CD82: variants seen among roughly 807,000 people sequenced by gnomAD.
The protein encoded by CD82 is CD82 molecule.
CD82 carries 36 observed loss-of-function variants against 37.4 expected under a neutral mutation model. The ratio of observed to expected loss-of-function variants is 0.96; its 90% CI spans 0.74 to 1.27. CD82 has a LOEUF of 1.27. CD82 is among the 50% of genes most tolerant of loss of function. The pLI is 0.00. For synonymous variants in CD82, 158 were observed against 137.4 expected (o/e 1.15, Z -1.05); for missense variants, 340 against 347.0 (o/e 0.98, Z 0.16).
intron 1 of CD82, among the ~76,000 whole-genome samples, chr11:44,581,221 T>C (rs1852974411): frequency 6.6e-6 from 1 of 152,208 alleles, no homozygotes; most frequent in Non-Finnish European, 1.5e-5. Flanking sequence ...GCAGGCAGCA[T>C]GGTGTGACAG....
chr11:44,595,193 T>C (rs756821222), intron 3 of CD82, among the ~76,000 whole-genome samples: 6 of 151,968 alleles, frequency 3.9e-5, no homozygotes, highest in African/African-American at 9.7e-5. Context: ...TGAGCTCTCA[T>C]AGGGAGAGCA....
intron 1 of CD82, among the ~76,000 whole-genome samples, chr11:44,569,339 C>T (rs916612487): frequency 7.2e-5 from 11 of 152,306 alleles, no homozygotes; most frequent in South Asian, 2.1e-4. Context: ...GACTCACCCC[C>T]GGGCTTCCCC....
At chr11:44,615,207 G>A (rs749458182) in intron 6 of CD82, 65 bp from the exon 7 acceptor site, 102 of 1,036,932 alleles carry the variant, frequency 9.8e-5, no homozygotes, top group Non-Finnish European at 1.5e-4. Flanking sequence ...GTTTAAGTAG[G>A]GGTGACCACA....
intron 5 of CD82, 65 bp from the exon 6 acceptor site, chr11:44,605,290 C>T (rs1853376722): frequency 6.2e-7 from 1 of 1,610,504 alleles, no homozygotes; most frequent in Non-Finnish European, 8.5e-7. Flanking sequence ...TCTCTCGGGG[C>T]ACGCAGGCTG....
chr11:44,614,255 A>G (rs1018161499), intron 6 of CD82, among the ~76,000 whole-genome samples: 10 of 151,910 alleles, frequency 6.6e-5, no homozygotes, highest in Admixed American at 5.2e-4. Context: ...CCAGGCATCT[A>G]CCCTGCTGTC....
rs1449425591 is a variant in CD82 at position 44,619,288 on chromosome 11, G to A, written c.*162G>A. ...TTTCTGGGGCCTAGCGATCTCTCCT[G>A]GCCTATCCGCTGCCAGCCTTGAGCC... On this transcript the variant is annotated 3_prime_UTR_variant, in exon 10 of 10. Coordinates refer to ENST00000227155, the MANE Select transcript of CD82 (RefSeq NM_002231.4). 6.5e-5 allele frequency: 40 copies of A among 614,366 alleles called. No individual in the cohort carries two copies. The highest frequency in any genetic ancestry group is 8.8e-6 in the Non-Finnish European group (3 of 342,534). 38.1% of individuals were successfully genotyped at this position (614,366 alleles called of 1,614,324 possible).
intron 8 of CD82, 41 bp downstream of exon 8, chr11:44,618,406 C>T (rs373541610): frequency 1.8e-4 from 272 of 1,549,606 alleles, no homozygotes; most frequent in Admixed American, 6.0e-4. Context: ...GCTCCGAGGG[C>T]GTTGGGGGCC....
intron 1 of CD82, among the ~76,000 whole-genome samples, chr11:44,569,081 CCTGGGCCCCT>C (rs1232427782): frequency 6.6e-6 from 1 of 152,242 alleles, no homozygotes; most frequent in Non-Finnish European, 1.5e-5. Flanking sequence ...GACTGTTTGG[CCTGGGCCCCT>C]CTGTGGGACA....
intron 1 of CD82, among the ~76,000 whole-genome samples, chr11:44,568,370 T>C (rs1039712623): frequency 6.6e-6 from 1 of 152,080 alleles, no homozygotes; most frequent in African/African-American, 2.4e-5. Flanking sequence ...TCCTGTCTGG[T>C]ACATAGCAGG....
intron 4 of CD82, among the ~76,000 whole-genome samples, chr11:44,600,744 T>C (rs1043952413): frequency 6.6e-6 from 1 of 152,220 alleles, no homozygotes; most frequent in African/African-American, 2.4e-5. Context: ...GCTCCTCATG[T>C]GCCAGGCAGT....
chr11:44,587,498 C>T lies in CD82; in HGVS notation c.-79C>T, dbSNP rs552512734. 5.8e-4 allele frequency: 265 copies of T among 456,294 alleles called. No individual in the cohort carries two copies. Among genetic ancestry groups the T allele is most frequent in the African/African-American group, 4.6e-3 (233 of 50,184 alleles). The allele number at this position is 456,294 out of a possible 1,614,324, so 28.3% of individuals were successfully genotyped here. A position where few individuals can be genotyped will look rare whatever the true frequency, so the allele number is the denominator to read the frequency against. On this transcript the variant is annotated 5_prime_UTR_variant, in exon 2 of 10. The change creates a new upstream start codon in the 5' untranslated region. Transcript: ENST00000227155. ...AGAGTCCTCCCTGCTGCTGTGTGGA[C>T]GACACGTGGGCACAGGCAGAAGTGG...
At chr11:44,569,160 G>A (rs916560152) in intron 1 of CD82, among the ~76,000 whole-genome samples, 5 of 152,190 alleles carry the variant, frequency 3.3e-5, no homozygotes, top group African/African-American at 9.7e-5. Flanking sequence ...CCACTAAGCC[G>A]GGGTCTGAGG....
rs1466103254 is a variant in CD82 at position 44,597,066 on chromosome 11, A to G, written c.63+2341A>G. ...GGAGGCAGAGTGCACCTCCCCAGGC[A>G]TAGACCCGGCCAGCCTGCCTCTTTG... On this transcript the variant is annotated intron_variant, in intron 3 of 9. Coordinates refer to ENST00000227155, the MANE Select transcript of CD82 (RefSeq NM_002231.4). This position sits in a 1 kb window ranked among gnomAD's most constrained non-coding sequence, Gnocchi z 4.1. 6.6e-6 allele frequency: 3 copies of G among 454,646 alleles called. No homozygotes were observed. Among genetic ancestry groups the G allele is most frequent in the Non-Finnish European group, 1.3e-5 (3 of 226,656 alleles). 28.2% of individuals were successfully genotyped at this position (454,646 alleles called of 1,614,324 possible). A position where few individuals can be genotyped will look rare whatever the true frequency, so the allele number is the denominator to read the frequency against.
upstream of CD82, among the ~76,000 whole-genome samples, chr11:44,565,096 C>G (rs1180999833): frequency 6.6e-6 from 1 of 152,212 alleles, no homozygotes; most frequent in African/African-American, 2.4e-5. Flanking sequence ...CCCGGCGGCA[C>G]CCGGATACAC....
chr11:44,593,419 G>A (rs564007531), intron 2 of CD82, among the ~76,000 whole-genome samples: 110 of 152,326 alleles, frequency 7.2e-4, no homozygotes, highest in African/African-American at 2.5e-3. Context: ...GCTGCCCGGC[G>A]GTGCTGGCTC....
intron 6 of CD82, 70 bp downstream of exon 6, chr11:44,605,499 G>C (rs1853381158): frequency 7.1e-7 from 1 of 1,417,638 alleles, no homozygotes; most frequent in African/African-American, 1.4e-5. Flanking sequence ...GAGTGTGGGG[G>C]ATGGACAAGG....
rs71038809 is a variant in CD82 at position 44,598,400 on chromosome 11, A to ATTTTTTTTTTTTTTTTTT, written c.64-1746_64-1729dup. On this transcript the variant is annotated intron_variant, in intron 3 of 9. Coordinates refer to ENST00000227155, the MANE Select transcript of CD82 (RefSeq NM_002231.4). ...CAGTTATCATGGATTTTTGGCCTTAATTTTTTTTTTTTTTTTTTTTTTTTT... is the reference window on the plus strand; with the variant it reads ...CAGTTATCATGGATTTTTGGCCTTAATTTTTTTTTTTTTTTTTTTTTTTTTTTTTTTTTTTTTTTTTTT... 4.2e-4 allele frequency among the ~76,000 whole-genome samples: 25 copies of ATTTTTTTTTTTTTTTTTT among 58,906 alleles called. 5 individuals are homozygous for ATTTTTTTTTTTTTTTTTT. Among genetic ancestry groups the ATTTTTTTTTTTTTTTTTT allele is most frequent in the African/African-American group, 6.5e-4 (10 of 15,312 alleles). 38.6% of individuals were successfully genotyped at this position (58,906 alleles called of 152,430 possible). A position where few individuals can be genotyped will look rare whatever the true frequency, so the allele number is the denominator to read the frequency against.
upstream of CD82, among the ~76,000 whole-genome samples, chr11:44,564,966 G>C (rs773587291): frequency 4.6e-5 from 7 of 152,254 alleles, no homozygotes; most frequent in African/African-American, 9.6e-5. Flanking sequence ...GCTTGGCATA[G>C]AGCCTGGCCC....
intron 6 of CD82, among the ~76,000 whole-genome samples, chr11:44,613,718 G>C (rs1263679151): frequency 1.3e-5 from 2 of 152,150 alleles, no homozygotes; most frequent in African/African-American, 4.8e-5. Flanking sequence ...AGCTACCTGG[G>C]AGGCTGAAGT....
Sources: allele counts gnomAD v4.1 joint callset (sites outside exome capture counted in the v4.1 genomes callset), GRCh38; gene constraint gnomAD v4.1.1; non-coding constraint Gnocchi (gnomAD v3.1); transcripts MANE v1.5; gene names NCBI Gene and HGNC (gene_info 2026-07-23, HGNC 2026-07-21).